The following NELL1 variants were observed in gnomAD, a reference collection of about 807,000 sequenced individuals.
The protein encoded by NELL1 is neural EGFL like 1, also known as protein kinase C-binding protein NELL1.
Under a neutral mutation model 107.4 loss-of-function variants are expected in NELL1, and 76 were observed. The observed-to-expected ratio is 0.71, with a 90% CI of 0.59 to 0.86. NELL1 has a LOEUF of 0.86. Ranked by LOEUF, NELL1 falls within the 40% of genes least tolerant of loss-of-function variation. The pLI is 0.00. For synonymous variants in NELL1, 353 were observed against 341.2 expected (o/e 1.03, Z -0.38); for missense variants, 1,024 against 1,005.5 (o/e 1.02, Z -0.25).
intron 12 of NELL1, among the ~76,000 whole-genome samples, chr11:21,006,635 G>A (rs900871202): frequency 1.3e-5 from 2 of 151,924 alleles, no homozygotes; most frequent in Admixed American, 6.6e-5. Flanking sequence ...TCCCCTTGGC[G>A]CTTATAAGTT....
intron 14 of NELL1, among the ~76,000 whole-genome samples, chr11:21,239,498 AG>A (rs1444775018): frequency 6.6e-6 from 1 of 152,088 alleles, no homozygotes; most frequent in Non-Finnish European, 1.5e-5. Flanking sequence ...AGTTGTGACC[AG>A]TGGGAAACAT....
chr11:21,424,729 G>A (rs573708403), intron 15 of NELL1, among the ~76,000 whole-genome samples: 58 of 152,228 alleles, frequency 3.8e-4, no homozygotes, highest in African/African-American at 1.4e-3. Flanking sequence ...CACAAAACTT[G>A]CAAAGACTAA....
chr11:21,099,233 AAAC>A (rs1854741035), intron 12 of NELL1, among the ~76,000 whole-genome samples: 2 of 84,976 alleles, frequency 2.4e-5, no homozygotes, highest in African/African-American at 5.0e-5. Flanking sequence ...ACACACACAC[AAAC>A]ACACACACAC....
At chr11:21,373,012 C>A (rs1851391988) in intron 15 of NELL1, among the ~76,000 whole-genome samples, 1 of 151,944 alleles carries the variant, frequency 6.6e-6, no homozygotes, top group Non-Finnish European at 1.5e-5. Context: ...AAGCATGGGT[C>A]CCTATGTAAA....
At chr11:20,714,695 AAAAG>A (rs1261050197) in intron 2 of NELL1, among the ~76,000 whole-genome samples, 1 of 151,966 alleles carries the variant, frequency 6.6e-6, no homozygotes, top group African/African-American at 2.4e-5. Context: ...GCTAATGAGA[AAAAG>A]AAAATTAAAT....
At chr11:21,314,010 G>A (rs1317262467) in intron 14 of NELL1, among the ~76,000 whole-genome samples, 12 of 25,924 alleles carry the variant, frequency 4.6e-4, no homozygotes, top group African/African-American at 8.8e-4. Context: ...CCCCCCCCCC[G>A]CGACCCCCAC....
At position 20,711,270 on chromosome 11, in the gene NELL1, G is replaced by T. The variant is rs568029588; in HGVS notation, c.184+33210G>T. On this transcript the variant is annotated intron_variant, in intron 2 of 19. Transcript: ENST00000357134. ...ACCCCTTTACCTTTAGTTAGTGTGA[G>T]TCCTTAGGTGTTAGATGAGTCTCTC... Among the ~76,000 whole-genome samples the T allele has an allele frequency of 2.0e-5, 3 of 152,220 alleles. No individual in the cohort carries two copies. The South Asian group carries it at 6.2e-4, about 32-fold the overall frequency.
At chr11:21,166,467 G>A (rs1192942295) in intron 13 of NELL1, among the ~76,000 whole-genome samples, 1 of 151,756 alleles carries the variant, frequency 6.6e-6, no homozygotes, top group East Asian at 1.9e-4. Context: ...TAATTGGATT[G>A]TTTGAAACAC....
chr11:20,884,229 C>T (rs1056131078), intron 4 of NELL1, among the ~76,000 whole-genome samples: 5 of 152,332 alleles, frequency 3.3e-5, no homozygotes, highest in South Asian at 4.1e-4. Context: ...CCATCACTCA[C>T]TTTCCTTGAC....
chr11:21,468,552 C>T (rs938863365), intron 15 of NELL1, among the ~76,000 whole-genome samples: 1 of 152,004 alleles, frequency 6.6e-6, no homozygotes, highest in African/African-American at 2.4e-5. Context: ...TGCCCAATCT[C>T]CAATTTGCTT....
At chr11:20,931,080 C>G (rs564284474) in intron 9 of NELL1, among the ~76,000 whole-genome samples, 4 of 152,010 alleles carry the variant, frequency 2.6e-5, no homozygotes, top group East Asian at 1.9e-4. Context: ...AGTACTGATG[C>G]CTGGAATAAT....
rs556216163 is a variant in NELL1 at position 21,550,416 on chromosome 11, G to A, written c.1787-9773G>A. Among the ~76,000 whole-genome samples, 48 of 151,858 alleles carry A rather than the reference G, an allele frequency of 3.2e-4. 1 individual carries two copies. The highest frequency in any genetic ancestry group is 8.2e-4 in the African/African-American group (34 of 41,454). On this transcript the variant is annotated intron_variant, in intron 16 of 19. Coordinates refer to ENST00000357134, the MANE Select transcript of NELL1 (RefSeq NM_006157.5). ...TGTTTTAGACCTGAAGTCCTTGCCC[G>A]TGCCTATGTCCTGAATGGTAATACC... is the stretch of plus-strand genomic sequence containing the variant.
chr11:20,861,973 G>A (rs1848987214), intron 4 of NELL1, among the ~76,000 whole-genome samples: 1 of 152,182 alleles, frequency 6.6e-6, no homozygotes, highest in African/African-American at 2.4e-5. Context: ...TAATAACAGT[G>A]GCTGAAACTA....
At chr11:21,321,819 T>C (rs142598437) in intron 14 of NELL1, among the ~76,000 whole-genome samples, 52 of 152,344 alleles carry the variant, frequency 3.4e-4, no homozygotes, top group Middle Eastern at 3.4e-3. Context: ...GTGTAAGGTA[T>C]TGAGAATACA....
chr11:20,856,832 T>C (rs1004631081), intron 4 of NELL1, among the ~76,000 whole-genome samples: 6 of 152,252 alleles, frequency 3.9e-5, no homozygotes, highest in Non-Finnish European at 7.3e-5. Context: ...TATGTTTCTC[T>C]AGAGATGATT....
intron 12 of NELL1, among the ~76,000 whole-genome samples, chr11:21,049,068 C>G (rs767314770): frequency 7.2e-4 from 109 of 152,174 alleles, no homozygotes; most frequent in South Asian, 1.2e-3. Flanking sequence ...ACAGGAAGCT[C>G]TGATGCTGGT....
At chr11:21,527,045 C>T (rs1316912539) in intron 15 of NELL1, among the ~76,000 whole-genome samples, 1 of 152,164 alleles carries the variant, frequency 6.6e-6, no homozygotes, top group Admixed American at 6.5e-5. Flanking sequence ...GCAAATTTTT[C>T]AAACTTTTAT....
intron 15 of NELL1, among the ~76,000 whole-genome samples, chr11:21,418,048 C>T (rs931726604): frequency 1.3e-5 from 2 of 151,888 alleles, no homozygotes; most frequent in African/African-American, 2.4e-5. Context: ...ATGAGCTAGG[C>T]GTTATTATTT....
Position 20,783,711 on chromosome 11 carries a change from T to A in NELL1, c.216T>A (p.His72Gln), listed in dbSNP as rs1250534696. 6.2e-7 allele frequency: 1 copy of A among 1,613,890 alleles called. No individual in the cohort carries two copies. The highest frequency in any genetic ancestry group is 8.5e-7 in the Non-Finnish European group (1 of 1,179,944). Residue 72 changes from histidine (H) to glutamine (Q), a missense_variant, in exon 3 of 20, where the codon CAT (histidine) becomes CAA (glutamine). Coordinates refer to ENST00000357134, the MANE Select transcript of NELL1 (RefSeq NM_006157.5). ...AAAGAGAGATCCATGCAGCTCCTCA[T>A]GTGAGTGAGAAATTAATTCAGCTGT... ...DIEREIHAAP[H>Q]VSEKLIQLFR...
Sources: allele counts gnomAD v4.1 joint callset (sites outside exome capture counted in the v4.1 genomes callset), GRCh38; gene constraint gnomAD v4.1.1; transcripts MANE v1.5; gene names NCBI Gene and HGNC (gene_info 2026-07-23, HGNC 2026-07-21).